Variants in ZMAT4 observed in about 807,000 individuals in gnomAD.
ZMAT4 encodes the protein zinc finger matrin-type 4, also known as zinc finger matrin-type protein 4.
ZMAT4 carries 17 observed loss-of-function variants against 28.7 expected under a neutral mutation model. The observed-to-expected ratio is 0.59, with a 90% CI of 0.41 to 0.89. The LOEUF is 0.89. Among genes scored for constraint, ZMAT4 ranks in the 40% least tolerant of loss-of-function variants. ZMAT4 has a pLI of 0.00. For synonymous variants in ZMAT4, 117 were observed against 109.2 expected, an observed-to-expected ratio of 1.07 and a Z score of -0.44; for missense variants, 240 against 283.8, an observed-to-expected ratio of 0.85 and a Z score of 1.11.
intron 5 of ZMAT4, among the ~76,000 whole-genome samples, chr8:40,593,133 G>A (rs545868653): frequency 9.9e-5 from 15 of 152,056 alleles, no homozygotes; most frequent in African/African-American, 1.4e-4. Context: ...TTCCCATGCC[G>A]GTGCCATAGA....
intron 2 of ZMAT4, among the ~76,000 whole-genome samples, chr8:40,821,488 G>A (rs547910188): frequency 1.3e-5 from 2 of 152,036 alleles, no homozygotes; most frequent in South Asian, 4.2e-4. Flanking sequence ...TTCACCTGAG[G>A]ACTTCATATG....
chr8:40,578,169 TA>T (rs1804330944), intron 6 of ZMAT4, among the ~76,000 whole-genome samples: 2 of 151,862 alleles, frequency 1.3e-5, no homozygotes, highest in South Asian at 2.1e-4. Flanking sequence ...GACATTAGCA[TA>T]AAAAAAGAAA....
intron 5 of ZMAT4, among the ~76,000 whole-genome samples, chr8:40,600,549 T>C (rs1805265869): frequency 6.6e-6 from 1 of 152,158 alleles, no homozygotes; most frequent in Admixed American, 6.5e-5. Flanking sequence ...CTCTGGGCTG[T>C]CCTAATCTCA....
intron 1 of ZMAT4, among the ~76,000 whole-genome samples, chr8:40,837,298 C>T (rs1367925489): frequency 1.3e-5 from 2 of 152,212 alleles, no homozygotes; most frequent in African/African-American, 4.8e-5. Context: ...ACTTTGGAAG[C>T]CACATGGTAA....
At chr8:40,610,572 A>C (rs1204853088) in intron 5 of ZMAT4, among the ~76,000 whole-genome samples, 1 of 152,214 alleles carries the variant, frequency 6.6e-6, no homozygotes. Context: ...AGGGAAAATG[A>C]GTCATCTGCT....
At chr8:40,852,298 T>C (rs1373100177) in intron 1 of ZMAT4, among the ~76,000 whole-genome samples, 1 of 152,240 alleles carries the variant, frequency 6.6e-6, no homozygotes, top group African/African-American at 2.4e-5. Flanking sequence ...CCTGCAACTT[T>C]ACTTTAAATA....
At chr8:40,742,196 C>T (rs570858948) in intron 3 of ZMAT4, among the ~76,000 whole-genome samples, 5 of 151,860 alleles carry the variant, frequency 3.3e-5, no homozygotes, top group East Asian at 1.9e-4. Flanking sequence ...TGCAGTGAGC[C>T]GTGATCATAC....
At chr8:40,603,813 G>A (rs973561609) in intron 5 of ZMAT4, among the ~76,000 whole-genome samples, 2 of 152,002 alleles carry the variant, frequency 1.3e-5, no homozygotes, top group African/African-American at 4.8e-5. Context: ...TGTATTTTTA[G>A]TAGAGATGGG....
chr8:40,820,172 G>T lies in ZMAT4; in HGVS notation c.102+5403C>A, dbSNP rs151020215. 7.2e-3 allele frequency among the ~76,000 whole-genome samples: 1,096 copies of T among 151,570 alleles called. 16 individuals are homozygous for T. Among genetic ancestry groups the T allele is most frequent in the African/African-American group, 0.025 (1,028 of 41,266 alleles). On this transcript the variant is annotated intron_variant, in intron 2 of 6. Transcript: ENST00000297737. ...TATATGCGAATATGTGTGTGTGTGT[G>T]TGTGTGTGTGTGTGGGCGGGTGTGT... is the stretch of plus-strand genomic sequence containing the variant.
intron 5 of ZMAT4, among the ~76,000 whole-genome samples, chr8:40,629,912 G>A (rs1806513478): frequency 6.6e-6 from 1 of 152,052 alleles, no homozygotes; most frequent in Non-Finnish European, 1.5e-5. Context: ...AATCCTTTAG[G>A]TATATATCCA....
At chr8:40,799,709 G>T (rs932248099) in intron 2 of ZMAT4, among the ~76,000 whole-genome samples, 7 of 152,096 alleles carry the variant, frequency 4.6e-5, no homozygotes, top group Non-Finnish European at 7.4e-5. Context: ...ATAACAATTT[G>T]TTCAAAATAA....
chr8:40,654,123 C>G (rs1807810986), intron 5 of ZMAT4, among the ~76,000 whole-genome samples: 1 of 152,134 alleles, frequency 6.6e-6, no homozygotes, highest in African/African-American at 2.4e-5. Flanking sequence ...AAACTGTGCT[C>G]AACATCTGCT....
rs192079991 is a variant in ZMAT4, at chr8:40,687,475, A to G, written c.349+9770T>C. Reference sequence around the variant, plus strand: ...AGCCAATGAGAAAGAGTTAAATAGAATCTTATTGGAAACAGAAAACATGTT... The same window carrying G: ...AGCCAATGAGAAAGAGTTAAATAGAGTCTTATTGGAAACAGAAAACATGTT... On this transcript the variant is annotated intron_variant, in intron 4 of 6. Coordinates refer to ENST00000297737, the MANE Select transcript of ZMAT4 (RefSeq NM_024645.3). Among the ~76,000 whole-genome samples the G allele has an allele frequency of 5.5e-4, 84 of 152,278 alleles. No homozygotes were observed. In the East Asian group the frequency reaches 0.014, roughly 25 times the overall value.
chr8:40,651,368 A>G (rs1402200331), intron 5 of ZMAT4, among the ~76,000 whole-genome samples: 4 of 152,104 alleles, frequency 2.6e-5, no homozygotes, highest in Non-Finnish European at 5.9e-5. Context: ...TGCAACTTAC[A>G]AGGGATGTGA....
chr8:40,670,088 C>A (rs1359773391), intron 5 of ZMAT4, among the ~76,000 whole-genome samples: 1 of 152,098 alleles, frequency 6.6e-6, no homozygotes, highest in Admixed American at 6.6e-5. Context: ...TTTAGAACAG[C>A]CAAATAATCT....
chr8:40,839,959 A>T (rs1298837724), intron 1 of ZMAT4, among the ~76,000 whole-genome samples: 3 of 152,234 alleles, frequency 2.0e-5, no homozygotes, highest in Non-Finnish European at 4.4e-5. Flanking sequence ...TCCTGTTATA[A>T]GCAGTAATTC....
chr8:40,882,548 G>C (rs1441388838), intron 1 of ZMAT4, among the ~76,000 whole-genome samples: 1 of 152,132 alleles, frequency 6.6e-6, no homozygotes, highest in African/African-American at 2.4e-5. Context: ...CCATGACCTG[G>C]CCACCCCAGC....
intron 2 of ZMAT4, among the ~76,000 whole-genome samples, chr8:40,821,310 C>T (rs961448151): frequency 2.6e-5 from 4 of 152,142 alleles, no homozygotes; most frequent in Non-Finnish European, 5.9e-5. Context: ...AGGCCCTTTC[C>T]TTTGAAAGCT....
intron 4 of ZMAT4, among the ~76,000 whole-genome samples, chr8:40,694,981 T>C (rs1809819271): frequency 6.6e-6 from 1 of 152,316 alleles, no homozygotes; most frequent in South Asian, 2.1e-4. Flanking sequence ...GAAGGAGTGC[T>C]GCTCAGAGAG....
Sources: allele counts gnomAD v4.1 joint callset (sites outside exome capture counted in the v4.1 genomes callset), GRCh38; gene constraint gnomAD v4.1.1; transcripts MANE v1.5; gene names NCBI Gene and HGNC (gene_info 2026-07-23, HGNC 2026-07-21).